MIS18A: variants seen among roughly 807,000 people sequenced by gnomAD.
MIS18A encodes protein Mis18-alpha.
MIS18A carries 14 observed loss-of-function variants against 25.0 expected under a neutral mutation model. The observed-to-expected ratio is 0.56, with a 90% CI of 0.37 to 0.88. MIS18A has a LOEUF of 0.88. Among genes scored for constraint, MIS18A ranks in the 40% least tolerant of loss-of-function variants. MIS18A has a pLI of 0.00. For missense variants in MIS18A, 292 were observed against 290.8 expected, an observed-to-expected ratio of 1.00 and a Z score of -0.03; for synonymous variants, 134 against 118.6, an observed-to-expected ratio of 1.13 and a Z score of -0.84.
chr21:32,230,923 C>T, the MIS18A span, among the ~76,000 whole-genome samples: 4 of 152,252 alleles, frequency 2.6e-5, no homozygotes, highest in South Asian at 8.3e-4. Flanking sequence ...TAAAGGACTT[C>T]ATCAAGAGAG....
At chr21:32,266,967 AACACACACAC>A (rs199958126), downstream of MIS18A, among the ~76,000 whole-genome samples, 9 of 149,516 alleles carry the variant, frequency 6.0e-5, no homozygotes, top group Middle Eastern at 3.5e-3. Flanking sequence ...GGACAAGTTA[AACACACACAC>A]ACACACACAC....
At chr21:32,215,337 T>C in the MIS18A span, among the ~76,000 whole-genome samples, 1 of 152,186 alleles carries the variant, frequency 6.6e-6, no homozygotes, top group Non-Finnish European at 1.5e-5. Flanking sequence ...GGGGTAGCAC[T>C]GTGGGGAAAC....
At chr21:32,225,092 C>A in the MIS18A span, among the ~76,000 whole-genome samples, 1 of 120,294 alleles carries the variant, frequency 8.3e-6, no homozygotes, top group African/African-American at 3.4e-5. Context: ...AAAGCTGAAA[C>A]TGGATCCCTT....
At chr21:32,265,828 C>G (rs935891143), downstream of MIS18A, among the ~76,000 whole-genome samples, 1 of 152,260 alleles carries the variant, frequency 6.6e-6, no homozygotes. Context: ...GTCTTTATAT[C>G]TAGCTCAAGG....
the MIS18A span, among the ~76,000 whole-genome samples, chr21:32,205,920 T>G: frequency 6.7e-6 from 1 of 149,174 alleles, no homozygotes; most frequent in South Asian, 2.1e-4. Flanking sequence ...GATAGGGGGG[T>G]TTGAGAGACC....
At chr21:32,160,324 A>G in the MIS18A span, among the ~76,000 whole-genome samples, 1 of 128,256 alleles carries the variant, frequency 7.8e-6, no homozygotes, top group Non-Finnish European at 1.7e-5. Flanking sequence ...ACACACACAC[A>G]CACACACATA....
chr21:32,159,745 T>C, the MIS18A span, among the ~76,000 whole-genome samples: 2 of 152,106 alleles, frequency 1.3e-5, no homozygotes, highest in Admixed American at 6.5e-5. Context: ...CAACTCAAAG[T>C]GGGGGCTTCC....
chr21:32,178,008 G>A, the MIS18A span, among the ~76,000 whole-genome samples: 1 of 151,684 alleles, frequency 6.6e-6, no homozygotes, highest in Non-Finnish European at 1.5e-5. Context: ...TTGACCTCCA[G>A]GGCTCAAGAG....
downstream of MIS18A, among the ~76,000 whole-genome samples, chr21:32,265,630 C>G (rs1341018236): frequency 1.3e-5 from 2 of 152,250 alleles, no homozygotes; most frequent in African/African-American, 4.8e-5. Flanking sequence ...CCATGGGCTC[C>G]TGTGTGGCCC....
chr21:32,175,613 G>C, the MIS18A span, among the ~76,000 whole-genome samples: 2 of 145,016 alleles, frequency 1.4e-5, no homozygotes, highest in East Asian at 4.0e-4. Flanking sequence ...TTCTAAACCA[G>C]CCTGCCCAAC....
the MIS18A span, among the ~76,000 whole-genome samples, chr21:32,162,861 A>G: frequency 1.3e-5 from 2 of 152,226 alleles, no homozygotes; most frequent in African/African-American, 2.4e-5. Context: ...CACATGGCCA[A>G]TCGCTCCAGG....
chr21:32,221,817 A>G, the MIS18A span, among the ~76,000 whole-genome samples: 1 of 151,852 alleles, frequency 6.6e-6, no homozygotes, highest in Non-Finnish European at 1.5e-5. Flanking sequence ...GCTTGAACCC[A>G]GGAGGTGGAG....
the MIS18A span, among the ~76,000 whole-genome samples, chr21:32,175,839 A>G: frequency 7.5e-6 from 1 of 132,538 alleles, no homozygotes; most frequent in Non-Finnish European, 1.6e-5. Flanking sequence ...ACAAAACAAC[A>G]CATTTTACAG....
chr21:32,216,699 G>T, the MIS18A span, among the ~76,000 whole-genome samples: 1 of 152,348 alleles, frequency 6.6e-6, no homozygotes, highest in South Asian at 2.1e-4. Context: ...CCTGAGAAGG[G>T]CTGGCTGACT....
chr21:32,166,101 T>G, the MIS18A span, among the ~76,000 whole-genome samples: 1 of 152,046 alleles, frequency 6.6e-6, no homozygotes, highest in Non-Finnish European at 1.5e-5. Flanking sequence ...AGGGGCAGGG[T>G]GGACAACTAC....
the MIS18A span, among the ~76,000 whole-genome samples, chr21:32,251,668 C>T: frequency 6.6e-6 from 1 of 152,114 alleles, no homozygotes; most frequent in Non-Finnish European, 1.5e-5. Context: ...TATGATTTGT[C>T]AACAATGAAA....
At chr21:32,278,503 A>C (rs953931536) in intron 1 of MIS18A, 178 bp downstream of exon 1, 1 of 651,398 alleles carries the variant, frequency 1.5e-6, no homozygotes, top group East Asian at 3.0e-5. Flanking sequence ...CCCGAGAGCC[A>C]AAGTGGAGGG....
the MIS18A span, among the ~76,000 whole-genome samples, chr21:32,194,908 G>C: frequency 0.24 from 35,716 of 151,960 alleles, 5,216 homozygotes; most frequent in African/African-American, 0.41. Context: ...GGGTGGGAAG[G>C]GGGTGAGGGA....
At chr21:32,207,770 A>C in the MIS18A span, among the ~76,000 whole-genome samples, 6 of 152,098 alleles carry the variant, frequency 3.9e-5, no homozygotes, top group Non-Finnish European at 7.4e-5. Context: ...CCAAACATCT[A>C]TTAATGCAGG....
Sources: gnomAD v4.1 joint callset for allele counts (sites outside exome capture counted in the v4.1 genomes callset) on GRCh38, gnomAD v4.1.1 for gene constraint, MANE v1.5 for transcripts, NCBI Gene and HGNC (gene_info 2026-07-23, HGNC 2026-07-21) for gene names.